DNAJC13: variants seen among roughly 807,000 people sequenced by gnomAD.
DNAJC13 encodes the protein dnaJ homolog subfamily C member 13.
DNAJC13 carries 75 observed loss-of-function variants against 290.5 expected under a neutral mutation model. The ratio of observed to expected loss-of-function variants is 0.26; its 90% CI spans 0.21 to 0.31. DNAJC13 has a LOEUF of 0.31. Among genes scored for constraint, DNAJC13 ranks in the 10% least tolerant of loss-of-function variants. The pLI is 1.00. For missense variants in DNAJC13, 2,260 were observed against 2,674.5 expected, an observed-to-expected ratio of 0.85 and a Z score of 3.42; for synonymous variants, 862 against 892.0, an observed-to-expected ratio of 0.97 and a Z score of 0.60.
intron 13 of DNAJC13, chr3:132,458,367 A>G (rs920822051): frequency 1.3e-5 from 2 of 152,188 alleles, no homozygotes; most frequent in Non-Finnish European, 2.9e-5. Flanking sequence ...AATTAATTTT[A>G]TTTACTGTTC....
chr3:132,477,204 C>G (rs1934500624), intron 22 of DNAJC13, among the ~76,000 whole-genome samples: 2 of 152,150 alleles, frequency 1.3e-5, no homozygotes, highest in Non-Finnish European at 2.9e-5. Flanking sequence ...AAAAAGAATT[C>G]TGATCTGGGA....
chr3:132,451,319 A>T (rs1460195202), intron 6 of DNAJC13, among the ~76,000 whole-genome samples: 1 of 152,138 alleles, frequency 6.6e-6, no homozygotes, highest in African/African-American at 2.4e-5. Flanking sequence ...AAAAAATGAA[A>T]AAAGTAATTT....
rs762126694 is a variant in DNAJC13 at position 132,463,669 on chromosome 3, A to G, written c.1771-27A>G. 1.9e-5 allele frequency: 31 copies of G among 1,603,670 alleles called. No individual in the cohort carries two copies. In the East Asian group the frequency reaches 6.7e-4, roughly 35 times the overall value. The stretch of plus-strand genomic sequence containing the variant: ...ATAGCTTGTCCTGGATTGCCACCTT[A>G]GGGATCATCTTACCCTTTTTCCAAA... On this transcript the variant is annotated intron_variant, in intron 16 of 55. Transcript: ENST00000260818.
intron 29 of DNAJC13, 69 bp downstream of exon 29, chr3:132,484,741 G>T: frequency 7.1e-7 from 1 of 1,413,258 alleles, no homozygotes. Flanking sequence ...ATCAGTACCA[G>T]TCTTTGTTTT....
Position 132,460,153 on chromosome 3 carries a change from C to G in DNAJC13, c.1450-97C>G, listed in dbSNP as rs1933741362. The G allele has an allele frequency of 8.7e-6, 6 of 685,840 alleles. No individual in the cohort carries two copies. In the South Asian group the frequency reaches 1.7e-4, roughly 19 times the overall value. The allele number at this position is 685,840 out of a possible 1,614,324, so 42.5% of individuals were successfully genotyped here. On this transcript the variant is annotated intron_variant, in intron 13 of 55. Coordinates refer to ENST00000260818, the MANE Select transcript of DNAJC13 (RefSeq NM_015268.4). ...TAAAGGCAATGGTTTTTAATTCTTT[C>G]AATGTGTAATGAATACTGTTTATAA... is the stretch of plus-strand genomic sequence containing the variant.
At chr3:132,509,591 AC>A (rs1210658805) in intron 43 of DNAJC13, among the ~76,000 whole-genome samples, 1 of 152,238 alleles carries the variant, frequency 6.6e-6, no homozygotes, top group Non-Finnish European at 1.5e-5. Context: ...ATGTTGTCAA[AC>A]AGATCACATG....
chr3:132,494,295 C>T, intron 34 of DNAJC13, 36 bp downstream of exon 34: 4 of 1,468,522 alleles, frequency 2.7e-6, no homozygotes, highest in Non-Finnish European at 3.8e-6. Flanking sequence ...AATGTCTGTC[C>T]CACCTTAAAG....
rs1265971576 is a variant in DNAJC13 at position 132,454,061 on chromosome 3, A to G, written c.841-5A>G. 6.3e-7 allele frequency: 1 copy of G among 1,579,878 alleles called. No individual in the cohort carries two copies. Among genetic ancestry groups the G allele is most frequent in the Non-Finnish European group, 8.5e-7 (1 of 1,169,728 alleles). ...TGTTGAAGCTATTTTTTGTTTTTTC[A>G]TTAGGTATTTGCGTTGGTCTGTGAC... On this transcript the variant is annotated splice_region_variant and splice_polypyrimidine_tract_variant and intron_variant, in intron 8 of 55. Coordinates refer to ENST00000260818, the MANE Select transcript of DNAJC13 (RefSeq NM_015268.4).
chr3:132,476,656 T>C (rs575409384), intron 22 of DNAJC13, among the ~76,000 whole-genome samples: 1 of 152,302 alleles, frequency 6.6e-6, no homozygotes, highest in East Asian at 1.9e-4. Context: ...TCTCATATCC[T>C]ACTCCTCCCT....
At chr3:132,523,783 CCT>C in intron 51 of DNAJC13, 70 bp downstream of exon 51, 2 of 1,454,286 alleles carry the variant, frequency 1.4e-6, no homozygotes, top group East Asian at 4.6e-5. Flanking sequence ...TCTCTTACAA[CCT>C]TATTCACAAA....
intron 45 of DNAJC13, 89 bp from the exon 46 acceptor site, chr3:132,514,482 T>A: frequency 1.3e-6 from 1 of 772,032 alleles, no homozygotes; most frequent in Non-Finnish European, 2.0e-6. Flanking sequence ...CCCAAACATT[T>A]GTCTCACTTG....
At chr3:132,465,591 G>A (rs1341685648) in intron 17 of DNAJC13, among the ~76,000 whole-genome samples, 1 of 152,018 alleles carries the variant, frequency 6.6e-6, no homozygotes, top group Non-Finnish European at 1.5e-5. Flanking sequence ...AACAGTTGTT[G>A]ACTTCTGCTT....
At chr3:132,507,467 G>T in intron 43 of DNAJC13, 114 bp downstream of exon 43, 2 of 666,616 alleles carry the variant, frequency 3.0e-6, no homozygotes, top group African/African-American at 1.9e-5. Context: ...TTTCTTTACT[G>T]TGCTGCTTTT....
intron 55 of DNAJC13, among the ~76,000 whole-genome samples, chr3:132,531,698 G>A (rs1167079015): frequency 6.6e-6 from 1 of 151,974 alleles, no homozygotes; most frequent in Admixed American, 6.6e-5. Flanking sequence ...TCGGGAGGCT[G>A]AGGCAGGAGA....
At chr3:132,486,078 TATCC>T (rs1183116920) in intron 29 of DNAJC13, among the ~76,000 whole-genome samples, 1 of 131,654 alleles carries the variant, frequency 7.6e-6, no homozygotes, top group Admixed American at 8.2e-5. Flanking sequence ...AGTAATGCCC[TATCC>T]TTTTTTTTTT....
chr3:132,484,266 T>G, intron 28 of DNAJC13: 1 of 372,194 alleles, frequency 2.7e-6, no homozygotes. Flanking sequence ...TAACAAAGTT[T>G]GATAAGCCCT....
chr3:132,471,184 G>C (rs1934232759), intron 20 of DNAJC13, among the ~76,000 whole-genome samples: 2 of 130,480 alleles, frequency 1.5e-5, no homozygotes, highest in African/African-American at 2.9e-5. Context: ...CTTCCCAGTA[G>C]GGGCGGCCGG....
At chr3:132,464,693 T>A (rs1933917517) in intron 17 of DNAJC13, among the ~76,000 whole-genome samples, 1 of 152,154 alleles carries the variant, frequency 6.6e-6, no homozygotes, top group Admixed American at 6.5e-5. Context: ...AGGATAAAGA[T>A]AATAAGGATG....
In DNAJC13 at chr3:132,517,312, C is replaced by T. The variant is rs1367471040; in HGVS notation, c.5673+496C>T. Among the ~76,000 whole-genome samples the T allele has an allele frequency of 2.0e-5, 3 of 152,162 alleles. No individual in the cohort carries two copies. The East Asian group carries it at 5.8e-4, about 29-fold the overall frequency. On this transcript the variant is annotated intron_variant, in intron 48 of 55. Coordinates refer to ENST00000260818, the MANE Select transcript of DNAJC13 (RefSeq NM_015268.4). ...TCTTTTATTCCAAATCTGGAGATAA[C>T]CGGATGATCTCTGGATCCATGGTCC...
Sources: gnomAD v4.1 joint callset for allele counts (sites outside exome capture counted in the v4.1 genomes callset) on GRCh38, gnomAD v4.1.1 for gene constraint, MANE v1.5 for transcripts, NCBI Gene and HGNC (gene_info 2026-07-23, HGNC 2026-07-21) for gene names.